PHLPP2: variants seen among roughly 807,000 people sequenced by gnomAD.
PHLPP2 encodes PH domain and leucine rich repeat protein phosphatase 2, also known as PH domain leucine-rich repeat-containing protein phosphatase 2.
PHLPP2 carries 66 observed loss-of-function variants against 124.9 expected under a neutral mutation model. The observed-to-expected ratio is 0.53, with a 90% CI of 0.43 to 0.65. The LOEUF (loss-of-function observed/expected upper bound fraction) is 0.65. PHLPP2 is among the 30% of genes least tolerant of loss of function. PHLPP2 has a pLI of 0.00. For synonymous variants in PHLPP2, 681 were observed against 624.7 expected (o/e 1.09, Z -1.34); for missense variants, 1,685 against 1,600.4 (o/e 1.05, Z -0.90).
At chr16:71,651,604 G>T (rs1281066216) in intron 18 of PHLPP2, among the ~76,000 whole-genome samples, 1 of 152,120 alleles carries the variant, frequency 6.6e-6, no homozygotes, top group South Asian at 2.1e-4. Flanking sequence ...TTGACTGAAA[G>T]AGCTTCCCAA....
Position 71,685,654 on chromosome 16 carries a change from CTG to C in PHLPP2, c.610-1055_610-1054del, listed in dbSNP as rs2045048254. On this transcript the variant is annotated intron_variant, in intron 4 of 18. Coordinates refer to ENST00000568954, the MANE Select transcript of PHLPP2 (RefSeq NM_015020.3). The stretch of plus-strand genomic sequence containing the variant: ...AACAAATCATTGCAACTGAATGAGT[CTG>C]TGTCAAAATAAAGAATATTATTGAA... 6.6e-5 allele frequency among the ~76,000 whole-genome samples: 10 copies of C among 152,234 alleles called. No homozygotes were observed. The South Asian group carries it at 2.1e-3, about 32-fold the overall frequency.
chr16:71,661,891 T>C (rs2044794959), intron 13 of PHLPP2, among the ~76,000 whole-genome samples: 1 of 151,508 alleles, frequency 6.6e-6, no homozygotes, highest in Non-Finnish European at 1.5e-5. Context: ...TGATACGATC[T>C]TGGCTCACTG....
intron 18 of PHLPP2, among the ~76,000 whole-genome samples, chr16:71,651,783 C>A (rs1294762265): frequency 6.6e-6 from 1 of 152,088 alleles, no homozygotes; most frequent in African/African-American, 2.4e-5. Context: ...AGAGCAAAGA[C>A]CATACAAAGG....
chr16:71,658,902 G>A (rs1399661963), intron 13 of PHLPP2, 87 bp from the exon 14 acceptor site: 4 of 1,196,474 alleles, frequency 3.3e-6, no homozygotes, highest in Non-Finnish European at 3.6e-6. Flanking sequence ...ACAGAGTACA[G>A]AAGGCCGACA....
rs568032852 is a variant in PHLPP2 at position 71,672,273 on chromosome 16, C to T, written c.1521G>A (p.Leu507=). The change falls in exon 10 of 19, where the codon TTG becomes TTA. Residue 507 remains leucine, a synonymous_variant. Coordinates refer to ENST00000568954, the MANE Select transcript of PHLPP2 (RefSeq NM_015020.3). The part of the protein sequence containing the change: ...VYPVPSLLTF[L]DLSRNLLECV... Reference sequence around the variant, plus strand: ...TGAAAGACACTCACCGGGAGAGATCCAAGAAAGTGAGCAGGCTGGGTACTG... The same window carrying T: ...TGAAAGACACTCACCGGGAGAGATCTAAGAAAGTGAGCAGGCTGGGTACTG... 1 of 1,613,142 alleles carries T rather than the reference C, an allele frequency of 6.2e-7. No individual in the cohort carries two copies. Among genetic ancestry groups the T allele is most frequent in the African/African-American group, 1.3e-5 (1 of 74,988 alleles).
At chr16:71,697,104 C>T (rs1226778314) in intron 3 of PHLPP2, among the ~76,000 whole-genome samples, 2 of 151,626 alleles carry the variant, frequency 1.3e-5, no homozygotes, top group Non-Finnish European at 2.9e-5. Context: ...CTTTGAGAGG[C>T]GGAGGTTGCA....
At position 71,658,642 on chromosome 16, in the gene PHLPP2, C is replaced by A. The variant is rs1283154623; in HGVS notation, c.2148+11G>T. 3.7e-6 allele frequency: 6 copies of A among 1,612,490 alleles called. No homozygotes were observed. The South Asian group carries it at 5.5e-5, about 15-fold the overall frequency. On this transcript the variant is annotated intron_variant, in intron 14 of 18. Transcript: ENST00000568954. The stretch of plus-strand genomic sequence containing the variant: ...CCCCAATAAGGACATCATTCCAGCA[C>A]ACAGAAGTACCTGGATCTGAGGCAA...
chr16:71,652,894 G>A lies in PHLPP2; in HGVS notation c.2713C>T (p.Leu905=), dbSNP rs1375398374. 2 of 1,614,088 alleles carry A rather than the reference G, an allele frequency of 1.2e-6. No homozygotes were observed. The highest frequency in any genetic ancestry group is 8.5e-7 in the Non-Finnish European group (1 of 1,179,958). ...VANVGTCQAV[L]CRGGKPVPLS... ...GGCACTGGCTTCCCACCTCGGCACA[G>A]GACTGCTTGGCACGTGCCAACATTG... The change falls in exon 18 of 19, where the codon CTG becomes TTG. Residue 905 remains leucine, a synonymous_variant. Coordinates refer to ENST00000568954, the MANE Select transcript of PHLPP2 (RefSeq NM_015020.3).
intron 1 of PHLPP2, 175 bp downstream of exon 1, chr16:71,724,154 T>C (rs1213188432): frequency 2.0e-5 from 3 of 152,584 alleles, no homozygotes; most frequent in African/African-American, 7.2e-5. Context: ...CTTGGAGGAC[T>C]AGAGCGCAAG....
chr16:71,704,547 A>C (rs1038879734), intron 2 of PHLPP2, among the ~76,000 whole-genome samples: 1 of 152,012 alleles, frequency 6.6e-6, no homozygotes, highest in African/African-American at 2.4e-5. Context: ...AAAATAAAAC[A>C]ACCACCTGGC....
At chr16:71,693,232 A>C (rs1235544450) in intron 3 of PHLPP2, among the ~76,000 whole-genome samples, 1 of 152,196 alleles carries the variant, frequency 6.6e-6, no homozygotes, top group African/African-American at 2.4e-5. Flanking sequence ...GGTTGCAGTG[A>C]GCTGAGATCG....
chr16:71,672,764 T>C (rs2044906555), intron 9 of PHLPP2, among the ~76,000 whole-genome samples: 1 of 152,222 alleles, frequency 6.6e-6, no homozygotes, highest in South Asian at 2.1e-4. Context: ...ACCAGCTCCC[T>C]GGGAACTGCC....
rs71153651 is a variant in PHLPP2 at position 71,670,695 on chromosome 16, A to AACACACACAC, written c.1533-1335_1533-1326dup. 2.0e-3 allele frequency among the ~76,000 whole-genome samples: 257 copies of AACACACACAC among 129,020 alleles called. 5 individuals carry two copies. Among genetic ancestry groups the AACACACACAC allele is most frequent in the African/African-American group, 6.0e-3 (204 of 33,858 alleles). 84.6% of individuals were successfully genotyped at this position (129,020 alleles called of 152,430 possible). On this transcript the variant is annotated intron_variant, in intron 10 of 18. Transcript: ENST00000568954. ...ACAGACTAAGAAAAAAGAGGCTGAA[A>AACACACACAC]ACACACACACACACACACACACACA...
At chr16:71,699,228 G>C (rs539731560) in intron 3 of PHLPP2, among the ~76,000 whole-genome samples, 4 of 152,048 alleles carry the variant, frequency 2.6e-5, no homozygotes, top group Admixed American at 6.6e-5. Context: ...CCCCACCTTC[G>C]AGCCAAAAAG....
intron 3 of PHLPP2, among the ~76,000 whole-genome samples, chr16:71,700,515 A>AT (rs1555548011): frequency 1.6e-5 from 2 of 122,442 alleles, no homozygotes; most frequent in African/African-American, 5.9e-5. Context: ...TTAGTGACTC[A>AT]TTTCTTTTTT....
chr16:71,663,064 G>A (rs2044806189), intron 13 of PHLPP2, among the ~76,000 whole-genome samples: 1 of 152,120 alleles, frequency 6.6e-6, no homozygotes, highest in African/African-American at 2.4e-5. Flanking sequence ...GACCGGCAAT[G>A]TATGCATATC....
chr16:71,660,372 C>CAAAAAA (rs1158155665), intron 13 of PHLPP2, among the ~76,000 whole-genome samples: 1 of 26,992 alleles, frequency 3.7e-5, no homozygotes, highest in Non-Finnish European at 6.6e-5. Flanking sequence ...GACCTTGTCT[C>CAAAAAA]AAAAAAAAAA....
At chr16:71,689,311 C>A (rs143447781) in intron 4 of PHLPP2, among the ~76,000 whole-genome samples, 3 of 151,220 alleles carry the variant, frequency 2.0e-5, no homozygotes, top group Non-Finnish European at 4.4e-5. Flanking sequence ...AACTCCTGGG[C>A]TCAAGCCATC....
intron 1 of PHLPP2, among the ~76,000 whole-genome samples, chr16:71,720,559 T>C (rs2045392158): frequency 6.6e-6 from 1 of 152,150 alleles, no homozygotes; most frequent in South Asian, 2.1e-4. Context: ...CATATTCAGT[T>C]AGTTCTGCAA....
Sources: allele counts gnomAD v4.1 joint callset (sites outside exome capture counted in the v4.1 genomes callset), GRCh38; gene constraint gnomAD v4.1.1; transcripts MANE v1.5; gene names NCBI Gene and HGNC (gene_info 2026-07-23, HGNC 2026-07-21).